The following STIM2 variants were observed in gnomAD, a reference collection of about 807,000 sequenced individuals.
STIM2 encodes the protein stromal interaction molecule 2.
Under a neutral mutation model 85.8 loss-of-function variants are expected in STIM2, and 31 were observed. The observed-to-expected ratio is 0.36, with a 90% confidence interval of 0.27 to 0.49. The LOEUF (loss-of-function observed/expected upper bound fraction) is 0.49, where lower values mean the gene tolerates loss of function less well. STIM2 is among the 20% of genes least tolerant of loss of function. The pLI, the probability that STIM2 is intolerant of heterozygous loss-of-function variation, is 0.98. For synonymous variants in STIM2, 356 were observed against 331.1 expected, an observed-to-expected ratio of 1.08 and a Z score of -0.82; for missense variants, 841 against 927.6, an observed-to-expected ratio of 0.91 and a Z score of 1.21.
At chr4:26,969,871 C>A (rs1726865553) in intron 3 of STIM2, among the ~76,000 whole-genome samples, 1 of 152,078 alleles carries the variant, frequency 6.6e-6, no homozygotes, top group South Asian at 2.1e-4. Flanking sequence ...TATGACAAAA[C>A]TAAACGCTTA....
chr4:26,993,455 G>C (rs551912261), intron 3 of STIM2, among the ~76,000 whole-genome samples: 1 of 152,222 alleles, frequency 6.6e-6, no homozygotes, highest in Admixed American at 6.6e-5. Context: ...TTTCTCTAAA[G>C]AACACTTAAT....
At chr4:26,984,457 C>G (rs1006818899) in intron 3 of STIM2, among the ~76,000 whole-genome samples, 6 of 152,164 alleles carry the variant, frequency 3.9e-5, no homozygotes, top group Non-Finnish European at 8.8e-5. Flanking sequence ...GTGTCCCAGG[C>G]TCAAGTGATT....
intron 1 of STIM2, among the ~76,000 whole-genome samples, chr4:26,862,318 G>T (rs867285689): frequency 4.1e-5 from 6 of 145,568 alleles, no homozygotes; most frequent in African/African-American, 1.3e-4. Flanking sequence ...TAAAATAATG[G>T]TTTTTTTTTT....
intron 2 of STIM2, among the ~76,000 whole-genome samples, chr4:26,936,881 C>T (rs1725411626): frequency 6.6e-6 from 1 of 152,186 alleles, no homozygotes; most frequent in South Asian, 2.1e-4. Context: ...CCTTGACCTC[C>T]TGGACTCCAG....
chr4:27,020,759 T>G (rs979220154), intron 11 of STIM2, among the ~76,000 whole-genome samples: 1 of 152,234 alleles, frequency 6.6e-6, no homozygotes, highest in Non-Finnish European at 1.5e-5. Flanking sequence ...TTTAGTTTAT[T>G]CATTTTGTAA....
At chr4:27,014,295 A>T (rs932694015) in intron 10 of STIM2, among the ~76,000 whole-genome samples, 2 of 151,796 alleles carry the variant, frequency 1.3e-5, no homozygotes, top group African/African-American at 4.8e-5. Context: ...TTTCTCTCAT[A>T]TTATTTTAAG....
chr4:27,011,336 ACC>A (rs1165143092), intron 10 of STIM2, among the ~76,000 whole-genome samples: 6 of 152,346 alleles, frequency 3.9e-5, no homozygotes, highest in Admixed American at 3.9e-4. Context: ...TAATGAGTTA[ACC>A]ATAACTTATA....
chr4:26,945,135 C>T (rs776001655), intron 2 of STIM2, among the ~76,000 whole-genome samples: 9 of 152,134 alleles, frequency 5.9e-5, no homozygotes, highest in Non-Finnish European at 8.8e-5. Flanking sequence ...TGTGTTGTTC[C>T]CCTCCATGTG....
intron 1 of STIM2, among the ~76,000 whole-genome samples, chr4:26,901,168 G>A (rs59819471): frequency 0.067 from 10,268 of 152,198 alleles, 469 homozygotes; most frequent in Middle Eastern, 0.12. Context: ...GTGCTTGTCC[G>A]TGTAGCTTTG....
intron 3 of STIM2, among the ~76,000 whole-genome samples, chr4:26,972,762 G>C (rs1439714865): frequency 1.3e-5 from 2 of 152,180 alleles, no homozygotes; most frequent in Non-Finnish European, 2.9e-5. Flanking sequence ...CATAAAATGC[G>C]TTAGGGAGGA....
At position 26,999,346 on chromosome 4, in the gene STIM2, A is replaced by G. The variant is rs754088297; in HGVS notation, c.624A>G (p.Thr208=). 9 of 1,589,314 alleles carry G rather than the reference A, an allele frequency of 5.7e-6. 1 individual carries two copies. In the South Asian group the frequency reaches 9.0e-5, roughly 16 times the overall value. The change falls in exon 5 of 12, where the codon ACA becomes ACG. Residue 208 remains threonine, a splice_region_variant and synonymous_variant. Coordinates refer to ENST00000467087, the MANE Select transcript of STIM2 (RefSeq NM_020860.4). ...ATGTGGTTTTGTTTGGACCTCTAAC[A>G]CGTTAGTATTCTCTCTCACTCAGAG...
At chr4:26,870,038 A>G (rs934441760) in intron 1 of STIM2, among the ~76,000 whole-genome samples, 4 of 152,138 alleles carry the variant, frequency 2.6e-5, no homozygotes, top group African/African-American at 9.7e-5. Flanking sequence ...ACATTATGCT[A>G]AGTGAAGTAA....
At chr4:26,944,734 C>G (rs533020880) in intron 2 of STIM2, among the ~76,000 whole-genome samples, 24 of 152,174 alleles carry the variant, frequency 1.6e-4, no homozygotes, top group African/African-American at 5.3e-4. Flanking sequence ...TGTCAATTAA[C>G]AATAAATGAA....
At chr4:26,993,841 C>G (rs1379995798) in intron 3 of STIM2, among the ~76,000 whole-genome samples, 1 of 152,128 alleles carries the variant, frequency 6.6e-6, no homozygotes, top group African/African-American at 2.4e-5. Context: ...GTTCTGTGAA[C>G]AGTTTGCCTG....
intron 1 of STIM2, among the ~76,000 whole-genome samples, chr4:26,909,806 A>G (rs1724265104): frequency 6.6e-6 from 1 of 152,236 alleles, no homozygotes; most frequent in South Asian, 2.1e-4. Flanking sequence ...AACACAAAAT[A>G]AATAGAAATA....
intron 3 of STIM2, among the ~76,000 whole-genome samples, chr4:26,987,322 G>C (rs1727615911): frequency 6.6e-6 from 1 of 152,176 alleles, no homozygotes; most frequent in African/African-American, 2.4e-5. Context: ...GAAAGTAGCA[G>C]ACAGATGGGG....
At chr4:26,868,432 TTTAA>T (rs893696464) in intron 1 of STIM2, among the ~76,000 whole-genome samples, 62 of 152,214 alleles carry the variant, frequency 4.1e-4, no homozygotes, top group African/African-American at 1.2e-3. Flanking sequence ...AACTGTTTTG[TTTAA>T]TTAAGTGCTG....
chr4:26,983,152 C>G (rs1727461454), intron 3 of STIM2, among the ~76,000 whole-genome samples: 1 of 152,150 alleles, frequency 6.6e-6, no homozygotes, highest in Non-Finnish European at 1.5e-5. Flanking sequence ...TGAAAAAAAA[C>G]TTGGGAGAAA....
At chr4:26,967,030 T>G (rs1307238567) in intron 3 of STIM2, among the ~76,000 whole-genome samples, 1 of 152,218 alleles carries the variant, frequency 6.6e-6, no homozygotes, top group Non-Finnish European at 1.5e-5. Flanking sequence ...AATAGACCAT[T>G]TAGATACTTT....
Sources: gnomAD v4.1 joint callset for allele counts (sites outside exome capture counted in the v4.1 genomes callset) on GRCh38, gnomAD v4.1.1 for gene constraint, MANE v1.5 for transcripts, NCBI Gene and HGNC (gene_info 2026-07-23, HGNC 2026-07-21) for gene names.